The following ZNF316 variants were observed in gnomAD, a reference collection of about 807,000 sequenced individuals.
ZNF316 encodes the protein zinc finger protein 316.
ZNF316 carries 23 observed loss-of-function variants against 75.6 expected under a neutral mutation model. The observed-to-expected ratio is 0.30, with a 90% CI of 0.22 to 0.43. The LOEUF (loss-of-function observed/expected upper bound fraction) is 0.43, where lower values mean the gene tolerates loss of function less well. Among genes scored for constraint, ZNF316 ranks in the 20% least tolerant of loss-of-function variants. ZNF316 has a pLI of 1.00. For missense variants in ZNF316, 1,266 were observed against 1,409.4 expected, an observed-to-expected ratio of 0.90 and a Z score of 1.63; for synonymous variants, 827 against 666.2, an observed-to-expected ratio of 1.24 and a Z score of -3.72.
rs767754895 is a variant in ZNF316 at position 6,642,360 on chromosome 7, C to T, written c.-28-22C>T. On this transcript the variant is annotated intron_variant, in intron 4 of 8. Coordinates refer to ENST00000382252, the MANE Select transcript of ZNF316 (RefSeq NM_001278559.2). The surrounding 1 kb of genome is among the most constrained non-coding windows in gnomAD (Gnocchi z 8.1). ...GTGGTGTGCTGAGAGCAGCCCGTCA[C>T]TGGCGTCCATCTGCATTTCAGGCCA... The T allele has an allele frequency of 1.1e-5, 13 of 1,172,782 alleles. No individual in the cohort carries two copies. The highest frequency in any genetic ancestry group is 4.4e-5 in the South Asian group (1 of 22,844). The allele number at this position is 1,172,782 out of a possible 1,614,324, so 72.6% of individuals were successfully genotyped here.
At position 6,656,036 on chromosome 7, in the gene ZNF316, T is replaced by C. The variant is rs1200391016; in HGVS notation, c.*1425T>C. ...AGTTCCCTCCACGTTAGTGTAGACATGGCCTTGGGGGCTGAGCGCAGCAGC... is the reference window on the plus strand; with the variant it reads ...AGTTCCCTCCACGTTAGTGTAGACACGGCCTTGGGGGCTGAGCGCAGCAGC... On this transcript the variant is annotated 3_prime_UTR_variant, in exon 9 of 9. Coordinates refer to ENST00000382252, the MANE Select transcript of ZNF316 (RefSeq NM_001278559.2). 2.0e-5 allele frequency: 3 copies of C among 152,204 alleles called. No individual in the cohort carries two copies. The highest frequency in any genetic ancestry group is 4.4e-5 in the Non-Finnish European group (3 of 68,098). The allele number at this position is 152,204 out of a possible 1,614,324, so 9.4% of individuals were successfully genotyped here. A position where few individuals can be genotyped will look rare whatever the true frequency, so the allele number is the denominator to read the frequency against.
rs1448811282 is a variant in ZNF316 at position 6,653,179 on chromosome 7, C to T, written c.1583C>T (p.Ala528Val). The T allele has an allele frequency of 9.9e-6, 12 of 1,209,062 alleles. No homozygotes were observed. The highest frequency in any genetic ancestry group is 3.2e-4 in the Middle Eastern group (1 of 3,114). 74.9% of individuals were successfully genotyped at this position (1,209,062 alleles called of 1,614,324 possible). A position where few individuals can be genotyped will look rare whatever the true frequency, so the allele number is the denominator to read the frequency against. ...GAGCCCGGCGAGACGGCGGCCGCCGCGGGGCCCGAGGACACGGACCCTGGG... is the reference window on the plus strand; with the variant it reads ...GAGCCCGGCGAGACGGCGGCCGCCGTGGGGCCCGAGGACACGGACCCTGGG... ...RREPGETAAA[A>V]GPEDTDPGPE... The change falls in exon 9 of 9, where the codon GCG becomes GTG. Residue 528 changes from alanine (A) to valine (V), a missense_variant. Around this residue, in one of 3 missense-constraint regions of ZNF316, gnomAD observed 961 missense variants for 990.9 expected, o/e 0.97. Transcript: ENST00000382252.
chr7:6,644,980 G>A (rs73348735), intron 8 of ZNF316, among the ~76,000 whole-genome samples: 6 of 152,294 alleles, frequency 3.9e-5, no homozygotes, highest in African/African-American at 1.2e-4. Context: ...ACTTGGCCAT[G>A]TCTGGGAAAA....
chr7:6,652,651 A>G lies in ZNF316; in HGVS notation c.1055A>G (p.Lys352Arg), dbSNP rs1779530910. ...RPETTCDVCG[K>R]VFPHRSRLAK... ...GAGACCACGTGCGACGTGTGCGGCA[A>G]GGTCTTCCCGCACCGCTCGCGGCTG... Residue 352 changes from lysine to arginine, a missense_variant, in exon 9 of 9, where the codon AAG (lysine) becomes AGG (arginine). Transcript: ENST00000382252. The G allele has an allele frequency of 8.1e-7, 1 of 1,230,982 alleles. No homozygotes were observed. Among genetic ancestry groups the G allele is most frequent in the Non-Finnish European group, 1.0e-6 (1 of 987,344 alleles). The allele number at this position is 1,230,982 out of a possible 1,614,324, so 76.3% of individuals were successfully genotyped here. A position where few individuals can be genotyped will look rare whatever the true frequency, so the allele number is the denominator to read the frequency against.
intron 8 of ZNF316, among the ~76,000 whole-genome samples, chr7:6,648,817 C>T (rs139479829): frequency 1.7e-3 from 247 of 148,062 alleles, no homozygotes; most frequent in African/African-American, 5.8e-3. Context: ...AGGGTTGCTG[C>T]GGGCACAGGG....
chr7:6,640,651 C>A lies in ZNF316; in HGVS notation c.-166-1174C>A, dbSNP rs868494147. 2.7e-4 allele frequency among the ~76,000 whole-genome samples: 41 copies of A among 152,328 alleles called. No individual in the cohort carries two copies. In the Middle Eastern group the frequency reaches 0.014, roughly 51 times the overall value. ...ACATCCAGGCTCCATCAGTCCCCTT[C>A]CAGTCTCACGCTGAAGCATGATTTC... is the stretch of plus-strand genomic sequence containing the variant. On this transcript the variant is annotated intron_variant, in intron 3 of 8. Transcript: ENST00000382252. This position sits in a 1 kb window ranked among gnomAD's most constrained non-coding sequence, Gnocchi z 5.1.
At position 6,643,940 on chromosome 7, in the gene ZNF316, T is replaced by A; in HGVS notation, c.584T>A (p.Val195Glu). The stretch of plus-strand genomic sequence containing the variant: ...ATGCAGGAGAACTATGGGATTCTCG[T>A]GTCCTTGGGTAAGGACGGGACCTTT... ...EVMQENYGIL[V>E]SLGYPIPKPD... The change falls in exon 7 of 9, where the codon GTG becomes GAG. Residue 195 changes from valine (V) to glutamate (E), a missense_variant. Around this residue, in one of 3 missense-constraint regions of ZNF316, gnomAD observed 961 missense variants for 990.9 expected, o/e 0.97. Coordinates refer to ENST00000382252, the MANE Select transcript of ZNF316 (RefSeq NM_001278559.2). 1.6e-6 allele frequency: 2 copies of A among 1,232,812 alleles called. No individual in the cohort carries two copies. The highest frequency in any genetic ancestry group is 2.0e-6 in the Non-Finnish European group (2 of 988,354). The allele number at this position is 1,232,812 out of a possible 1,614,324, so 76.4% of individuals were successfully genotyped here.
chr7:6,651,972 T>C (rs931483889), intron 8 of ZNF316, among the ~76,000 whole-genome samples: 2 of 152,098 alleles, frequency 1.3e-5, no homozygotes, highest in African/African-American at 4.8e-5. Flanking sequence ...GTTTGCCCCG[T>C]TCCTCAGCAG....
intron 8 of ZNF316, among the ~76,000 whole-genome samples, chr7:6,649,590 C>T (rs140518576): frequency 6.6e-5 from 10 of 152,338 alleles, no homozygotes; most frequent in African/African-American, 2.4e-4. Context: ...TGGACTTCGA[C>T]AGAGCCTGGC....
Position 6,653,643 on chromosome 7 carries a change from G to A in ZNF316, c.2047G>A (p.Ala683Thr), listed in dbSNP as rs953778717. 15 of 1,066,890 alleles carry A rather than the reference G, an allele frequency of 1.4e-5. No homozygotes were observed. In the East Asian group the frequency reaches 2.9e-4, roughly 21 times the overall value. 66.1% of individuals were successfully genotyped at this position (1,066,890 alleles called of 1,614,324 possible). The change falls in exon 9 of 9, where the codon GCG (alanine) becomes ACG (threonine). Residue 683 changes from alanine (A) to threonine (T), a missense_variant. Ala to Thr is a moderately conservative substitution (Grantham distance 58). Coordinates refer to ENST00000382252, the MANE Select transcript of ZNF316 (RefSeq NM_001278559.2). Reference sequence around the variant, plus strand: ...TCTGCTGGCGGAGCCCGCGCCGGCCGCGCTGGCGGAGGAGGAGAGCCCGTG... The same window carrying A: ...TCTGCTGGCGGAGCCCGCGCCGGCCACGCTGGCGGAGGAGGAGAGCCCGTG... ...GGLLAEPAPA[A>T]LAEEESPWIC...
rs551878600 is a variant in ZNF316, at chr7:6,640,034, G to T, written c.-167+893G>T. 4.9e-4 allele frequency among the ~76,000 whole-genome samples: 74 copies of T among 152,318 alleles called. No individual in the cohort carries two copies. Among genetic ancestry groups the T allele is most frequent in the African/African-American group, 1.7e-3 (72 of 41,572 alleles). ...GAAACTAGAAAGGGGGCTGGAGCCA[G>T]TCAGGGGGCACGTGTGACCTTCGGG... is the stretch of plus-strand genomic sequence containing the variant. On this transcript the variant is annotated intron_variant, in intron 3 of 8. Coordinates refer to ENST00000382252, the MANE Select transcript of ZNF316 (RefSeq NM_001278559.2). The surrounding 1 kb of genome is among the most constrained non-coding windows in gnomAD (Gnocchi z 5.1).
intron 8 of ZNF316, among the ~76,000 whole-genome samples, chr7:6,647,872 T>C (rs1037793834): frequency 3.9e-5 from 6 of 152,146 alleles, no homozygotes; most frequent in Non-Finnish European, 7.4e-5. Context: ...GGGTCAGGCA[T>C]GTGGCTGTGG....
In ZNF316 at chr7:6,652,691, C is replaced by G. The variant is rs1779531922; in HGVS notation, c.1095C>G (p.Arg365=). 8.1e-7 allele frequency: 1 copy of G among 1,235,134 alleles called. No homozygotes were observed. Among genetic ancestry groups the G allele is most frequent in the South Asian group, 3.9e-5 (1 of 25,698 alleles). 76.5% of individuals were successfully genotyped at this position (1,235,134 alleles called of 1,614,324 possible). ...PHRSRLAKHQ[R]YHAAVKPFGC... is the part of the protein sequence containing the mutation. ...GCTCGCGGCTGGCCAAGCACCAGCG[C>G]TACCACGCGGCCGTCAAGCCCTTCG... The change falls in exon 9 of 9, where the codon CGC becomes CGG. Residue 365 remains arginine (R), a synonymous_variant. Coordinates refer to ENST00000382252, the MANE Select transcript of ZNF316 (RefSeq NM_001278559.2).
chr7:6,648,682 CCAGA>C (rs1000187747), intron 8 of ZNF316, among the ~76,000 whole-genome samples: 17 of 152,200 alleles, frequency 1.1e-4, no homozygotes, highest in African/African-American at 3.6e-4. Context: ...GAATTCACAC[CCAGA>C]CAGAGCCCGG....
Position 6,654,733 on chromosome 7 carries a change from C to T in ZNF316, c.*122C>T, listed in dbSNP as rs1489667229. On this transcript the variant is annotated 3_prime_UTR_variant, in exon 9 of 9. Coordinates refer to ENST00000382252, the MANE Select transcript of ZNF316 (RefSeq NM_001278559.2). ...CCCAGTCCTGGGTGCGGTGCCTTCC[C>T]TCAGCCCTCGCCCTGCGGCCCCGGG... is the stretch of plus-strand genomic sequence containing the variant. 1.1e-6 allele frequency: 1 copy of T among 890,232 alleles called. No individual in the cohort carries two copies. The highest frequency in any genetic ancestry group is 5.0e-5 in the East Asian group (1 of 20,000). The allele number at this position is 890,232 out of a possible 1,614,324, so 55.1% of individuals were successfully genotyped here. A position where few individuals can be genotyped will look rare whatever the true frequency, so the allele number is the denominator to read the frequency against.
chr7:6,654,260 G>A lies in ZNF316; in HGVS notation c.2664G>A (p.Pro888=), dbSNP rs1261280667. 2.4e-5 allele frequency: 29 copies of A among 1,223,260 alleles called. No individual in the cohort carries two copies. Among genetic ancestry groups the A allele is most frequent in the Non-Finnish European group, 3.0e-5 (29 of 981,894 alleles). The allele number at this position is 1,223,260 out of a possible 1,614,324, so 75.8% of individuals were successfully genotyped here. A position where few individuals can be genotyped will look rare whatever the true frequency, so the allele number is the denominator to read the frequency against. The change falls in exon 9 of 9, where the codon CCG becomes CCA. Residue 888 remains proline (P), a synonymous_variant. Transcript: ENST00000382252. Reference sequence around the variant, plus strand: ...GCCACACGGGCGAACGCCCCTTCCCGTGCCCTGAGTGCGGCAAGCGCTTTT... The same window carrying A: ...GCCACACGGGCGAACGCCCCTTCCCATGCCCTGAGTGCGGCAAGCGCTTTT... ...RRGHTGERPF[P]CPECGKRFSQ...
chr7:6,651,640 A>G (rs1779509504), intron 8 of ZNF316, among the ~76,000 whole-genome samples: 1 of 151,318 alleles, frequency 6.6e-6, no homozygotes. Context: ...GCCTGAGCCC[A>G]TAATCGCAGC....
intron 8 of ZNF316, among the ~76,000 whole-genome samples, chr7:6,651,996 G>T (rs1218532449): frequency 6.6e-6 from 1 of 152,182 alleles, no homozygotes; most frequent in Non-Finnish European, 1.5e-5. Flanking sequence ...GCAAGCCCTG[G>T]AGGGAGCCGG....
In ZNF316 at chr7:6,652,355, G is replaced by A. The variant is rs148609364; in HGVS notation, c.759G>A (p.Glu253=). Residue 253 remains glutamate, a synonymous_variant, in exon 9 of 9, where the codon GAG becomes GAA. Coordinates refer to ENST00000382252, the MANE Select transcript of ZNF316 (RefSeq NM_001278559.2). The part of the protein sequence containing the change: ...DIEDHEEEDD[E]DFLAEVAEEE... ...AGGACCACGAGGAGGAAGACGACGA[G>A]GACTTCCTGGCGGAGGTGGCCGAGG... The A allele has an allele frequency of 4.1e-5, 50 of 1,232,434 alleles. No individual in the cohort carries two copies. In the East Asian group the frequency reaches 1.1e-3, roughly 26 times the overall value. 76.3% of individuals were successfully genotyped at this position (1,232,434 alleles called of 1,614,324 possible).
Sources: allele counts gnomAD v4.1 joint callset (sites outside exome capture counted in the v4.1 genomes callset), GRCh38; gene constraint gnomAD v4.1.1; regional missense constraint gnomAD v4.1.1; non-coding constraint Gnocchi (gnomAD v3.1); transcripts MANE v1.5; gene names NCBI Gene and HGNC (gene_info 2026-07-23, HGNC 2026-07-21).